The following NRXN1 variants were observed in gnomAD, a reference collection of about 807,000 sequenced individuals.
NRXN1 encodes neurexin-1.
NRXN1 carries 39 observed loss-of-function variants against 150.9 expected under a neutral mutation model. The ratio of observed to expected loss-of-function variants is 0.26; its 90% CI spans 0.20 to 0.34. The LOEUF (loss-of-function observed/expected upper bound fraction) is 0.34. Ranked by LOEUF, NRXN1 falls within the 10% of genes least tolerant of loss-of-function variation. NRXN1 has a pLI of 1.00. For synonymous variants in NRXN1, 924 were observed against 757.0 expected, an observed-to-expected ratio of 1.22 and a Z score of -3.62; for missense variants, 1,815 against 1,949.9, an observed-to-expected ratio of 0.93 and a Z score of 1.30.
At chr2:50,910,346 C>T (rs193059602) in intron 5 of NRXN1, among the ~76,000 whole-genome samples, 184 of 151,994 alleles carry the variant, frequency 1.2e-3, no homozygotes, top group African/African-American at 4.3e-3. Context: ...CACACTTTAC[C>T]GATATTCATA....
chr2:49,983,979 A>G (rs1680453573), intron 21 of NRXN1, among the ~76,000 whole-genome samples: 1 of 150,992 alleles, frequency 6.6e-6, no homozygotes, highest in Admixed American at 6.6e-5. Context: ...CCTGGGCAAT[A>G]GAGTGAGATC....
At chr2:49,933,454 C>T (rs1361906943) in intron 22 of NRXN1, among the ~76,000 whole-genome samples, 1 of 152,092 alleles carries the variant, frequency 6.6e-6, no homozygotes, top group East Asian at 1.9e-4. Flanking sequence ...CACCTGCTGC[C>T]AACTCTCTGT....
At position 50,082,688 on chromosome 2, in the gene NRXN1, T is replaced by G. The variant is rs1216619215; in HGVS notation, c.3718+8635A>C. Reference sequence around the variant, plus strand: ...TTTTTAAATAAGCTTAAGTTTAGCTTCAAATACGTAGGAAACTCATGAGTT... The same window carrying G: ...TTTTTAAATAAGCTTAAGTTTAGCTGCAAATACGTAGGAAACTCATGAGTT... On this transcript the variant is annotated intron_variant, in intron 19 of 22. Coordinates refer to ENST00000401669, the MANE Select transcript of NRXN1 (RefSeq NM_001330078.2). Among the ~76,000 whole-genome samples the G allele has an allele frequency of 2.0e-5, 3 of 152,172 alleles. No individual in the cohort carries two copies. The East Asian group carries it at 5.8e-4, about 29-fold the overall frequency.
At chr2:50,224,125 A>G (rs1339233627) in intron 18 of NRXN1, among the ~76,000 whole-genome samples, 1 of 152,022 alleles carries the variant, frequency 6.6e-6, no homozygotes, top group Non-Finnish European at 1.5e-5. Context: ...AAGGAATATC[A>G]TAAAATAATA....
At chr2:50,355,779 T>C (rs1435544277) in intron 17 of NRXN1, among the ~76,000 whole-genome samples, 1 of 152,208 alleles carries the variant, frequency 6.6e-6, no homozygotes, top group African/African-American at 2.4e-5. Context: ...TAACAGTGTA[T>C]TCACATTACT....
At chr2:50,432,541 C>T (rs954961824) in intron 17 of NRXN1, among the ~76,000 whole-genome samples, 4 of 152,170 alleles carry the variant, frequency 2.6e-5, no homozygotes, top group Non-Finnish European at 5.9e-5. Flanking sequence ...ATCTGGTACA[C>T]CCTACAACAA....
At chr2:50,523,913 C>G (rs961539567) in intron 12 of NRXN1, among the ~76,000 whole-genome samples, 4 of 152,098 alleles carry the variant, frequency 2.6e-5, no homozygotes, top group African/African-American at 4.8e-5. Flanking sequence ...ACACTATTTT[C>G]TGTGAGAAGC....
intron 10 of NRXN1, among the ~76,000 whole-genome samples, chr2:50,536,862 G>A (rs1159467500): frequency 6.6e-6 from 1 of 152,056 alleles, no homozygotes; most frequent in Non-Finnish European, 1.5e-5. Flanking sequence ...TATAGAAATA[G>A]CTAAGTTGTA....
chr2:50,498,487 C>G (rs1337847604), intron 13 of NRXN1, among the ~76,000 whole-genome samples: 1 of 152,140 alleles, frequency 6.6e-6, no homozygotes, highest in Non-Finnish European at 1.5e-5. Context: ...ATGCCCCATA[C>G]CACAAGGCAA....
Position 50,348,493 on chromosome 2 carries a change from G to A in NRXN1, c.3365-111523C>T, listed in dbSNP as rs576203882. 1.6e-3 allele frequency among the ~76,000 whole-genome samples: 247 copies of A among 152,334 alleles called. 1 individual carries two copies. Among genetic ancestry groups the A allele is most frequent in the Non-Finnish European group, 3.1e-3 (210 of 68,036 alleles). On this transcript the variant is annotated intron_variant, in intron 17 of 22. Transcript: ENST00000401669. ...CCAAGATCTCTATAGAAGCCCCGCTGTGATGATCTTTGCTAACAGTGGAAC... is the reference window on the plus strand; with the variant it reads ...CCAAGATCTCTATAGAAGCCCCGCTATGATGATCTTTGCTAACAGTGGAAC...
intron 9 of NRXN1, among the ~76,000 whole-genome samples, chr2:50,545,680 T>A (rs1047371907): frequency 7.9e-5 from 12 of 152,186 alleles, no homozygotes; most frequent in Admixed American, 4.6e-4. Flanking sequence ...AATATGGATG[T>A]CAATTATAAT....
chr2:50,825,338 G>C (rs1257193193), intron 5 of NRXN1, among the ~76,000 whole-genome samples: 3 of 152,168 alleles, frequency 2.0e-5, no homozygotes, highest in African/African-American at 7.2e-5. Flanking sequence ...GCAGCCTCTA[G>C]ATAGCTTCAG....
intron 5 of NRXN1, among the ~76,000 whole-genome samples, chr2:50,770,613 A>T (rs2105446576): frequency 6.6e-6 from 1 of 152,212 alleles, no homozygotes. Context: ...GTGAAATCTA[A>T]CCATAATTGC....
At chr2:50,918,498 C>A in intron 5 of NRXN1, 1 of 353,886 alleles carries the variant, frequency 2.8e-6, no homozygotes, top group Non-Finnish European at 5.1e-6. Context: ...TACAAGCCTC[C>A]AATCAAAGTG....
At chr2:50,789,303 T>C (rs1040392301) in intron 5 of NRXN1, among the ~76,000 whole-genome samples, 1 of 152,200 alleles carries the variant, frequency 6.6e-6, no homozygotes, top group African/African-American at 2.4e-5. Context: ...GGCTTCCTTC[T>C]GTTAAATGCA....
At chr2:50,170,567 G>C (rs545097350) in intron 18 of NRXN1, among the ~76,000 whole-genome samples, 80 of 152,200 alleles carry the variant, frequency 5.3e-4, no homozygotes, top group Admixed American at 4.5e-3. Context: ...AAAATTCTGG[G>C]ATTACAGGAG....
chr2:50,905,710 G>T (rs1683571039), intron 5 of NRXN1, among the ~76,000 whole-genome samples: 1 of 151,784 alleles, frequency 6.6e-6, no homozygotes, highest in African/African-American at 2.4e-5. Context: ...TTTCCAGTAA[G>T]AATTCATCTC....
At chr2:50,490,763 C>T (rs1449506666) in intron 15 of NRXN1, among the ~76,000 whole-genome samples, 1 of 152,062 alleles carries the variant, frequency 6.6e-6, no homozygotes, top group African/African-American at 2.4e-5. Context: ...ACATGTGTAT[C>T]CGAGGGAAAA....
chr2:50,177,144 G>T (rs544123015), intron 18 of NRXN1, among the ~76,000 whole-genome samples: 1 of 152,106 alleles, frequency 6.6e-6, no homozygotes, highest in African/African-American at 2.4e-5. Flanking sequence ...ACATGTGCTT[G>T]TTACATGGAT....
Sources: gnomAD v4.1 joint callset for allele counts (sites outside exome capture counted in the v4.1 genomes callset) on GRCh38, gnomAD v4.1.1 for gene constraint, MANE v1.5 for transcripts, NCBI Gene and HGNC (gene_info 2026-07-23, HGNC 2026-07-21) for gene names.